Variants in ARHGAP29 observed in about 807,000 individuals in gnomAD.
The protein encoded by ARHGAP29 is Rho GTPase activating protein 29, also known as rho GTPase-activating protein 29.
In ARHGAP29, 43 loss-of-function variants were observed where a neutral mutation model predicts 122.6. The observed-to-expected ratio is 0.35, with a 90% CI of 0.27 to 0.45. The LOEUF is 0.45. Among genes scored for constraint, ARHGAP29 ranks in the 20% least tolerant of loss-of-function variants. The pLI is 1.00. For synonymous variants in ARHGAP29, 506 were observed against 497.1 expected, an observed-to-expected ratio of 1.02 and a Z score of -0.24; for missense variants, 1,303 against 1,477.2, an observed-to-expected ratio of 0.88 and a Z score of 1.93.
In ARHGAP29 at chr1:94,202,721, C is replaced by T; in HGVS notation, c.966G>A (p.Glu322=). The T allele has an allele frequency of 6.2e-7, 1 of 1,613,428 alleles. No individual in the cohort carries two copies. Among genetic ancestry groups the T allele is most frequent in the Non-Finnish European group, 8.5e-7 (1 of 1,179,940 alleles). ...ATAATTTTGCCTTTTTGAGAGCATT[C>T]TCTGCTTCAAGCTACACCGAAAAGA... The part of the protein sequence containing the change: ...KQEQNKMLEA[E]NALKKAKLLC... The change falls in exon 11 of 23, where the codon GAG becomes GAA. Residue 322 remains glutamate, a synonymous_variant. Transcript: ENST00000260526.
the ARHGAP29 span, among the ~76,000 whole-genome samples, chr1:94,300,890 C>T: frequency 7.2e-5 from 11 of 152,330 alleles, no homozygotes; most frequent in Admixed American, 1.3e-4. Context: ...TACCAGGTTA[C>T]TGAGCAGGGT....
intron 3 of ARHGAP29, among the ~76,000 whole-genome samples, chr1:94,211,102 T>C (rs1201040204): frequency 6.6e-6 from 1 of 151,396 alleles, no homozygotes; most frequent in Non-Finnish European, 1.5e-5. Flanking sequence ...CTGGGCAACA[T>C]GGCGAAACCC....
At chr1:94,177,561 T>C in intron 22 of ARHGAP29, 51 bp downstream of exon 22, 1 of 1,436,290 alleles carries the variant, frequency 7.0e-7, no homozygotes, top group Non-Finnish European at 9.6e-7. Flanking sequence ...ACGGTTCTAC[T>C]GGTAAAATTT....
intron 12 of ARHGAP29, among the ~76,000 whole-genome samples, chr1:94,200,114 A>G (rs1650746572): frequency 6.6e-6 from 1 of 152,182 alleles, no homozygotes; most frequent in African/African-American, 2.4e-5. Context: ...ATGACTCATA[A>G]AAGAAAAAAC....
the ARHGAP29 span, among the ~76,000 whole-genome samples, chr1:94,296,085 C>T: frequency 1.3e-5 from 2 of 152,154 alleles, no homozygotes; most frequent in South Asian, 4.2e-4. Context: ...TTTCAGTTAC[C>T]CATGGTCAAC....
chr1:94,226,618 T>C (rs1185127920), intron 2 of ARHGAP29, among the ~76,000 whole-genome samples: 1 of 151,950 alleles, frequency 6.6e-6, no homozygotes, highest in Admixed American at 6.6e-5. Flanking sequence ...CCAATGAATA[T>C]GCTAGTTACT....
At chr1:94,246,396 GA>G (rs1490299591) in intron 1 of ARHGAP29, among the ~76,000 whole-genome samples, 1 of 152,130 alleles carries the variant, frequency 6.6e-6, no homozygotes, top group African/African-American at 2.4e-5. Context: ...CTCCCAAACT[GA>G]ATGAGGAGGA....
chr1:94,257,227 C>A (rs934424075), intron 1 of ARHGAP29, among the ~76,000 whole-genome samples: 3 of 151,782 alleles, frequency 2.0e-5, no homozygotes, highest in African/African-American at 7.2e-5. Context: ...CATTGTGAAA[C>A]CCCGTCTCTA....
At chr1:94,191,945 G>A (rs1437518184) in intron 12 of ARHGAP29, 1 of 152,104 alleles carries the variant, frequency 6.6e-6, no homozygotes, top group Non-Finnish European at 1.5e-5. Flanking sequence ...TAATACACTG[G>A]CAGGTACGTA....
At chr1:94,208,796 C>G in intron 5 of ARHGAP29, 36 bp downstream of exon 5, 3 of 1,595,610 alleles carry the variant, frequency 1.9e-6, no homozygotes, top group Non-Finnish European at 2.6e-6. Context: ...AAGTTAAAAA[C>G]ATTAAAGACT....
At chr1:94,217,476 G>C (rs1160280772) in intron 3 of ARHGAP29, among the ~76,000 whole-genome samples, 1 of 149,574 alleles carries the variant, frequency 6.7e-6, no homozygotes, top group African/African-American at 2.5e-5. Context: ...TGAGGCTGCA[G>C]TGAGCCGAGA....
chr1:94,199,676 A>G lies in ARHGAP29; in HGVS notation c.1281+2044T>C, dbSNP rs533552210. 3.9e-5 allele frequency among the ~76,000 whole-genome samples: 6 copies of G among 152,306 alleles called. 1 individual carries two copies. The highest frequency in any genetic ancestry group is 1.4e-4 in the African/African-American group (6 of 41,580). ...AACGGGAGACCATCCCTATGCTCCA[A>G]AGTCCATGGAAATTCACACTAGCCA... is the stretch of plus-strand genomic sequence containing the variant. On this transcript the variant is annotated intron_variant, in intron 12 of 22. Coordinates refer to ENST00000260526, the MANE Select transcript of ARHGAP29 (RefSeq NM_004815.4).
At chr1:94,225,869 CTTGT>C (rs1652584535) in intron 2 of ARHGAP29, among the ~76,000 whole-genome samples, 1 of 151,926 alleles carries the variant, frequency 6.6e-6, no homozygotes, top group South Asian at 2.1e-4. Context: ...CCAATGTTTG[CTTGT>C]TTCTCTACTC....
At chr1:94,215,267 T>C (rs913054808) in intron 3 of ARHGAP29, among the ~76,000 whole-genome samples, 5 of 151,658 alleles carry the variant, frequency 3.3e-5, no homozygotes, top group Admixed American at 3.3e-4. Flanking sequence ...TAAATATGTA[T>C]ATTTTCCTTA....
chr1:94,254,716 C>T (rs982215241), intron 1 of ARHGAP29, among the ~76,000 whole-genome samples: 1 of 152,120 alleles, frequency 6.6e-6, no homozygotes, highest in African/African-American at 2.4e-5. Context: ...CTTGGAGTTG[C>T]TTTGTGAGTC....
At chr1:94,208,752 C>G (rs971805918) in intron 5 of ARHGAP29, 80 bp downstream of exon 5, 14 of 1,414,380 alleles carry the variant, frequency 9.9e-6, no homozygotes, top group Non-Finnish European at 1.4e-5. Context: ...GAGCCACCAC[C>G]CCCGGCCTAA....
chr1:94,309,635 T>A, the ARHGAP29 span, among the ~76,000 whole-genome samples: 16 of 152,174 alleles, frequency 1.1e-4, no homozygotes, highest in South Asian at 2.7e-3. Flanking sequence ...TGAGCAGATG[T>A]ATATGCTAAA....
chr1:94,210,905 A>T (rs63746960), intron 3 of ARHGAP29, among the ~76,000 whole-genome samples: 2 of 1,514 alleles, frequency 1.3e-3, no homozygotes, highest in East Asian at 0.5. Flanking sequence ...TTTCTTATTT[A>T]AAAAAAAAAA....
intron 1 of ARHGAP29, among the ~76,000 whole-genome samples, chr1:94,256,948 A>G (rs1466288960): frequency 6.6e-6 from 1 of 152,088 alleles, no homozygotes; most frequent in Non-Finnish European, 1.5e-5. Flanking sequence ...CATTGCTCCT[A>G]TAGGTATATA....
Sources: allele counts gnomAD v4.1 joint callset (sites outside exome capture counted in the v4.1 genomes callset), GRCh38; gene constraint gnomAD v4.1.1; transcripts MANE v1.5; gene names NCBI Gene and HGNC (gene_info 2026-07-23, HGNC 2026-07-21).